The following RNF10 variants were observed in gnomAD, a reference collection of about 807,000 sequenced individuals.
RNF10 encodes the protein E3 ubiquitin-protein ligase RNF10.
RNF10 carries 38 observed loss-of-function variants against 91.4 expected under a neutral mutation model. That is an observed-to-expected ratio of 0.42 (90% CI 0.32 to 0.54). The LOEUF (loss-of-function observed/expected upper bound fraction) is 0.54, where lower values mean the gene tolerates loss of function less well. RNF10 is among the 20% of genes least tolerant of loss of function. RNF10 has a pLI of 0.16. For synonymous variants in RNF10, 364 were observed against 366.3 expected (o/e 0.99, Z 0.07); for missense variants, 945 against 1,012.0 (o/e 0.93, Z 0.90).
chr12:120,564,772 C>T lies in RNF10; in HGVS notation c.1666-300C>T, dbSNP rs939562337. 2.1e-4 allele frequency among the ~76,000 whole-genome samples: 32 copies of T among 152,204 alleles called. 1 individual carries two copies. Among genetic ancestry groups the T allele is most frequent in the Non-Finnish European group, 8.8e-5 (6 of 68,042 alleles). ...AACTTTATCTTCTCTGTTCGTCCCC[C>T]TCAGCTGTGGGGCCTTGAAAAAATC... On this transcript the variant is annotated intron_variant, in intron 10 of 16. Coordinates refer to ENST00000325954, the MANE Select transcript of RNF10 (RefSeq NM_014868.5).
intron 14 of RNF10, chr12:120,574,632 T>G (rs948694311): frequency 1.2e-5 from 5 of 433,178 alleles, no homozygotes; most frequent in African/African-American, 2.0e-5. Flanking sequence ...GGTTTAAAAC[T>G]GGAGGGTACT....
rs533454647 is a variant in RNF10, at chr12:120,545,511, C to T, written c.158-894C>T. Among the ~76,000 whole-genome samples, 149 of 151,446 alleles carry T rather than the reference C, an allele frequency of 9.8e-4. 2 individuals carry two copies. The highest frequency in any genetic ancestry group is 1.7e-3 in the Non-Finnish European group (112 of 67,864). Reference sequence around the variant, plus strand: ...CTGGCCATTTTTAAAAAGGATATGACTCAATCTGATCCAATATGCTTTTAT... The same window carrying T: ...CTGGCCATTTTTAAAAAGGATATGATTCAATCTGATCCAATATGCTTTTAT... On this transcript the variant is annotated intron_variant, in intron 1 of 16. Transcript: ENST00000325954.
chr12:120,567,302 A>C (rs1213205488), intron 13 of RNF10, among the ~76,000 whole-genome samples: 2 of 149,834 alleles, frequency 1.3e-5, no homozygotes, highest in South Asian at 2.1e-4. Context: ...ATCTTTGTAC[A>C]TGTCTCTTTA....
intron 1 of RNF10, among the ~76,000 whole-genome samples, chr12:120,536,778 CTG>C (rs1460833975): frequency 1.3e-5 from 2 of 152,194 alleles, no homozygotes; most frequent in African/African-American, 2.4e-5. Context: ...GGTTCTCCAA[CTG>C]TGAATTCTCA....
At chr12:120,553,461 G>A (rs1341038627) in intron 3 of RNF10, among the ~76,000 whole-genome samples, 1 of 145,566 alleles carries the variant, frequency 6.9e-6, no homozygotes, top group Non-Finnish European at 1.5e-5. Context: ...GGAGTGCAGT[G>A]GCACGATCTC....
chr12:120,536,896 A>G (rs1026738434), intron 1 of RNF10, among the ~76,000 whole-genome samples: 4 of 152,192 alleles, frequency 2.6e-5, no homozygotes, highest in African/African-American at 9.7e-5. Flanking sequence ...AGCTTGTGAC[A>G]ACTTAAAATA....
At chr12:120,541,971 G>A (rs1311710818) in intron 1 of RNF10, among the ~76,000 whole-genome samples, 4 of 149,060 alleles carry the variant, frequency 2.7e-5, no homozygotes, top group East Asian at 4.1e-4. Context: ...GGTTCACACC[G>A]TTCTCCTGCC....
chr12:120,563,655 C>G, intron 9 of RNF10, 32 bp downstream of exon 9: 2 of 1,574,422 alleles, frequency 1.3e-6, no homozygotes, highest in Middle Eastern at 1.8e-4. Context: ...GCTGGGTTGC[C>G]GCAGAGGTGT....
chr12:120,551,677 GC>G (rs1873110905), intron 2 of RNF10, among the ~76,000 whole-genome samples: 1 of 152,086 alleles, frequency 6.6e-6, no homozygotes, highest in Non-Finnish European at 1.5e-5. Context: ...AGGCTGGAGT[GC>G]AGTGGCTATT....
chr12:120,544,350 A>G (rs1476611627), intron 1 of RNF10, among the ~76,000 whole-genome samples: 2 of 126,486 alleles, frequency 1.6e-5, no homozygotes, highest in African/African-American at 6.2e-5. Context: ...TGAGACCCCA[A>G]CTCTACAAAA....
chr12:120,566,354 T>C (rs1000648201), intron 12 of RNF10, among the ~76,000 whole-genome samples: 3 of 152,234 alleles, frequency 2.0e-5, no homozygotes, highest in Non-Finnish European at 2.9e-5. Context: ...AGGTTAACTA[T>C]ATTAAAGACA....
At chr12:120,541,993 A>G (rs1247699551) in intron 1 of RNF10, among the ~76,000 whole-genome samples, 1 of 151,056 alleles carries the variant, frequency 6.6e-6, no homozygotes, top group Non-Finnish European at 1.5e-5. Context: ...CAGCCTCCTG[A>G]GTAGCTGGGA....
chr12:120,553,370 G>A lies in RNF10; in HGVS notation c.554+672G>A, dbSNP rs181480164. ...CCCAAAGTGCTGGGATTACAAGCATGAGCCACCATGCCCAGCCAGGAAGAG... is the reference window on the plus strand; with the variant it reads ...CCCAAAGTGCTGGGATTACAAGCATAAGCCACCATGCCCAGCCAGGAAGAG... On this transcript the variant is annotated intron_variant, in intron 3 of 16. Transcript: ENST00000325954. Among the ~76,000 whole-genome samples the A allele has an allele frequency of 3.4e-3, 503 of 147,978 alleles. 3 individuals are homozygous for A. The highest frequency in any genetic ancestry group is 8.4e-3 in the Admixed American group (124 of 14,758).
chr12:120,565,879 G>C (rs1290491720), intron 12 of RNF10, among the ~76,000 whole-genome samples: 1 of 152,204 alleles, frequency 6.6e-6, no homozygotes, highest in Non-Finnish European at 1.5e-5. Flanking sequence ...AAAGGGACCA[G>C]CTATACACAG....
chr12:120,560,819 A>G lies in RNF10; in HGVS notation c.1061A>G (p.Gln354Arg), dbSNP rs200354349. The G allele has an allele frequency of 6.2e-7, 1 of 1,614,228 alleles. No homozygotes were observed. The highest frequency in any genetic ancestry group is 2.2e-5 in the East Asian group (1 of 44,890). ...VVLEEKVALEQQLAEEKHTPE... is the reference protein window; with the variant it reads ...VVLEEKVALERQLAEEKHTPE... Reference sequence around the variant, plus strand: ...CTGGAGGAGAAAGTAGCACTAGAGCAGCAGCTGGCAGAGGAGAAGCACACT... The same window carrying G: ...CTGGAGGAGAAAGTAGCACTAGAGCGGCAGCTGGCAGAGGAGAAGCACACT... Residue 354 changes from glutamine to arginine, a missense_variant, in exon 7 of 17, where the codon CAG becomes CGG. Coordinates refer to ENST00000325954, the MANE Select transcript of RNF10 (RefSeq NM_014868.5).
At chr12:120,556,589 A>C (rs1030970871) in intron 4 of RNF10, among the ~76,000 whole-genome samples, 2 of 151,442 alleles carry the variant, frequency 1.3e-5, no homozygotes, top group African/African-American at 2.4e-5. Flanking sequence ...AAAATGTATA[A>C]AATCATCTGA....
chr12:120,562,854 C>G (rs978629776), intron 7 of RNF10, 91 bp from the exon 8 acceptor site: 59 of 1,520,274 alleles, frequency 3.9e-5, no homozygotes, highest in Non-Finnish European at 5.1e-5. Flanking sequence ...ACTTTTGGTC[C>G]TGTTGAGAGG....
intron 1 of RNF10, among the ~76,000 whole-genome samples, chr12:120,544,744 T>C (rs1400008899): frequency 6.6e-6 from 1 of 152,238 alleles, no homozygotes; most frequent in Non-Finnish European, 1.5e-5. Flanking sequence ...TAGGGATGTG[T>C]AAATGGCTTT....
Position 120,534,869 on chromosome 12 carries a change from G to T in RNF10, c.58G>T (p.Gly20Cys). ...ATASDMDKNS[G>C]SNSSSASSGS... ...CGCCTCCGACATGGACAAGAACAGC[G>T]GCTCCAACAGCTCCTCCGCCTCTTC... Residue 20 changes from glycine to cysteine, a missense_variant, in exon 1 of 17, where the codon GGC (glycine) becomes TGC (cysteine). By Grantham distance (159) the Gly-to-Cys change is radical. Coordinates refer to ENST00000325954, the MANE Select transcript of RNF10 (RefSeq NM_014868.5). 1 of 1,608,290 alleles carries T rather than the reference G, an allele frequency of 6.2e-7. No homozygotes were observed. The highest frequency in any genetic ancestry group is 8.5e-7 in the Non-Finnish European group (1 of 1,179,590).
Sources: gnomAD v4.1 joint callset for allele counts (sites outside exome capture counted in the v4.1 genomes callset) on GRCh38, gnomAD v4.1.1 for gene constraint, MANE v1.5 for transcripts, NCBI Gene and HGNC (gene_info 2026-07-23, HGNC 2026-07-21) for gene names.